Variants in ANKRD29 observed in about 807,000 individuals in gnomAD.
The protein encoded by ANKRD29 is ankyrin repeat domain 29, also known as ankyrin repeat domain-containing protein 29.
A neutral mutation model predicts 38.0 loss-of-function variants in ANKRD29; 32 were observed. That is an observed-to-expected ratio of 0.84 (90% CI 0.64 to 1.13). The LOEUF (loss-of-function observed/expected upper bound fraction) is 1.13, where lower values mean the gene tolerates loss of function less well. Among genes scored for constraint, ANKRD29 ranks in the 50% most tolerant of loss-of-function variants. The pLI, the probability that ANKRD29 is intolerant of heterozygous loss-of-function variation, is 0.00. For synonymous variants in ANKRD29, 135 were observed against 152.4 expected (o/e 0.89, Z 0.84); for missense variants, 357 against 377.9 (o/e 0.94, Z 0.46).
intron 2 of ANKRD29, 73 bp from the exon 3 acceptor site, chr18:23,646,360 G>A: frequency 7.3e-7 from 1 of 1,366,652 alleles, no homozygotes; most frequent in Non-Finnish European, 1.0e-6. Flanking sequence ...AGAAGATGCT[G>A]CAGAGATGTC....
chr18:23,605,552 A>C (rs577771624), intron 9 of ANKRD29, among the ~76,000 whole-genome samples: 14 of 147,952 alleles, frequency 9.5e-5, no homozygotes, highest in Non-Finnish European at 1.8e-4. Flanking sequence ...TTTGAGACAG[A>C]GTCTCGCTCC....
chr18:23,629,859 T>C lies in ANKRD29; in HGVS notation c.522A>G (p.Pro174=), dbSNP rs145533359. The change falls in exon 6 of 10, where the codon CCA becomes CCG. Residue 174 remains proline, a synonymous_variant. Transcript: ENST00000592179. ...LLASGAKVNQ[P]RQDGTAPLWI... Reference sequence around the variant, plus strand: ...TGTCAACAGTGGACATTACCTGCCTTGGCTGGTTGACTTTTGCTCCTGAAG... The same window carrying C: ...TGTCAACAGTGGACATTACCTGCCTCGGCTGGTTGACTTTTGCTCCTGAAG... 4 of 1,613,872 alleles carry C rather than the reference T, an allele frequency of 2.5e-6. No individual in the cohort carries two copies. The highest frequency in any genetic ancestry group is 3.4e-6 in the Non-Finnish European group (4 of 1,179,958).
Position 23,662,797 on chromosome 18 carries a change from T to G in ANKRD29, c.-67A>C. 1 of 1,373,102 alleles carries G rather than the reference T, an allele frequency of 7.3e-7. No homozygotes were observed. Among genetic ancestry groups the G allele is most frequent in the Non-Finnish European group, 9.4e-7 (1 of 1,059,772 alleles). 85.1% of individuals were successfully genotyped at this position (1,373,102 alleles called of 1,614,324 possible). A position where few individuals can be genotyped will look rare whatever the true frequency, so the allele number is the denominator to read the frequency against. ...GGGGCGCCTTGTCCTCCCCGGCCCTTCACTCTCCCGGGGCTCTCGGCGTTC... is the reference window on the plus strand; with the variant it reads ...GGGGCGCCTTGTCCTCCCCGGCCCTGCACTCTCCCGGGGCTCTCGGCGTTC... On this transcript the variant is annotated 5_prime_UTR_variant, in exon 1 of 10. Coordinates refer to ENST00000592179, the MANE Select transcript of ANKRD29 (RefSeq NM_173505.4).
intron 1 of ANKRD29, among the ~76,000 whole-genome samples, chr18:23,652,303 G>A (rs1479650314): frequency 5.3e-5 from 8 of 152,234 alleles, no homozygotes; most frequent in East Asian, 1.9e-4. Context: ...GCACTGGGAC[G>A]ACCCCATTTT....
intron 9 of ANKRD29, among the ~76,000 whole-genome samples, chr18:23,610,335 G>C (rs1164245097): frequency 6.6e-6 from 1 of 152,162 alleles, no homozygotes; most frequent in Non-Finnish European, 1.5e-5. Context: ...AAAATTAGCT[G>C]GGCATGATGG....
chr18:23,620,656 A>G (rs749650833), intron 6 of ANKRD29, among the ~76,000 whole-genome samples: 2 of 152,152 alleles, frequency 1.3e-5, no homozygotes, highest in Non-Finnish European at 2.9e-5. Flanking sequence ...AGTTATGGGG[A>G]ATTCCAGATG....
At chr18:23,628,084 T>A (rs1032510271) in intron 6 of ANKRD29, among the ~76,000 whole-genome samples, 14 of 152,330 alleles carry the variant, frequency 9.2e-5, no homozygotes, top group Non-Finnish European at 1.9e-4. Context: ...GAATGTTGAA[T>A]AAAACAATTA....
intron 5 of ANKRD29, among the ~76,000 whole-genome samples, chr18:23,633,550 T>C (rs17202849): frequency 0.029 from 4,382 of 152,114 alleles, 81 homozygotes; most frequent in Non-Finnish European, 0.045. Context: ...AGAACAAAGA[T>C]GGGTAAATAA....
At chr18:23,627,285 A>G (rs2059873518) in intron 6 of ANKRD29, among the ~76,000 whole-genome samples, 1 of 152,182 alleles carries the variant, frequency 6.6e-6, no homozygotes, top group Non-Finnish European at 1.5e-5. Context: ...AGCAATTCTT[A>G]TTTTATAAGA....
intron 7 of ANKRD29, 143 bp from the exon 8 acceptor site, chr18:23,617,970 A>G: frequency 4.9e-6 from 3 of 617,118 alleles, no homozygotes; most frequent in Non-Finnish European, 8.6e-6. Context: ...CTCTTAATCT[A>G]GGAGCATTTT....
At chr18:23,646,066 G>T in intron 3 of ANKRD29, 123 bp downstream of exon 3, 1 of 852,708 alleles carries the variant, frequency 1.2e-6, no homozygotes, top group African/African-American at 1.7e-5. Context: ...AATAAACTCT[G>T]CAATGGGCTT....
chr18:23,662,041 G>A (rs1194123158), intron 1 of ANKRD29, among the ~76,000 whole-genome samples: 10 of 144,880 alleles, frequency 6.9e-5, no homozygotes, highest in South Asian at 4.4e-4. Context: ...AAAAAAAAAA[G>A]AGCCACGAAG....
chr18:23,601,087 T>C lies in ANKRD29; in HGVS notation c.*139A>G. 1 of 730,344 alleles carries C rather than the reference T, an allele frequency of 1.4e-6. No individual in the cohort carries two copies. Among genetic ancestry groups the C allele is most frequent in the Non-Finnish European group, 2.2e-6 (1 of 448,140 alleles). 45.2% of individuals were successfully genotyped at this position (730,344 alleles called of 1,614,324 possible). ...GACTTCGTGCACAGAGCGTAGCTCTTCTTTGTCAGGGACCCACAGGATGGG... is the reference window on the plus strand; with the variant it reads ...GACTTCGTGCACAGAGCGTAGCTCTCCTTTGTCAGGGACCCACAGGATGGG... On this transcript the variant is annotated 3_prime_UTR_variant, in exon 10 of 10. Transcript: ENST00000592179.
chr18:23,614,346 G>A (rs1397896043), intron 8 of ANKRD29, among the ~76,000 whole-genome samples: 2 of 152,146 alleles, frequency 1.3e-5, no homozygotes, highest in Non-Finnish European at 2.9e-5. Flanking sequence ...ACAGGTGTGA[G>A]CCACCACACC....
intron 8 of ANKRD29, among the ~76,000 whole-genome samples, chr18:23,612,505 C>T (rs1362666788): frequency 1.3e-5 from 2 of 152,198 alleles, no homozygotes; most frequent in African/African-American, 2.4e-5. Flanking sequence ...ACAACAACGC[C>T]GTGCCCAACA....
intron 9 of ANKRD29, among the ~76,000 whole-genome samples, chr18:23,601,972 A>G (rs1233540673): frequency 1.3e-5 from 2 of 151,790 alleles, no homozygotes; most frequent in Non-Finnish European, 2.9e-5. Context: ...TATATTTATT[A>G]ATGTATGACA....
intron 4 of ANKRD29, among the ~76,000 whole-genome samples, chr18:23,637,790 A>G (rs915280795): frequency 6.6e-6 from 1 of 152,146 alleles, no homozygotes; most frequent in Non-Finnish European, 1.5e-5. Flanking sequence ...AGAAAACCTA[A>G]AAGTTTCCAA....
intron 3 of ANKRD29, among the ~76,000 whole-genome samples, chr18:23,639,529 A>T (rs941268297): frequency 5.0e-5 from 6 of 120,348 alleles, no homozygotes; most frequent in African/African-American, 1.8e-4. Flanking sequence ...TTTTACTGTG[A>T]TTTTTTTTTT....
Position 23,649,144 on chromosome 18 carries a change from T to A in ANKRD29, c.71A>T (p.Asn24Ile). The A allele has an allele frequency of 6.2e-7, 1 of 1,614,158 alleles. No homozygotes were observed. Among genetic ancestry groups the A allele is most frequent in the Non-Finnish European group, 8.5e-7 (1 of 1,179,992 alleles). Reference protein sequence around the residue: ...NAAFWAARRGNLALLKLLLNS... With the variant: ...NAAFWAARRGILALLKLLLNS... ...CAACAGCAGCTTCAGCAGCGCCAGG[T>A]TTCCTCTCCTGGCTGCCCAGAATGC... The change falls in exon 2 of 10, where the codon AAC becomes ATC. Residue 24 changes from asparagine to isoleucine, a missense_variant. Physicochemically the swap from Asn to Ile is moderately radical, Grantham distance 149. Transcript: ENST00000592179.
Sources: gnomAD v4.1 joint callset for allele counts (sites outside exome capture counted in the v4.1 genomes callset) on GRCh38, gnomAD v4.1.1 for gene constraint, MANE v1.5 for transcripts, NCBI Gene and HGNC (gene_info 2026-07-23, HGNC 2026-07-21) for gene names.